Variants in LRGUK observed in about 807,000 individuals in gnomAD.
LRGUK encodes leucine rich repeats and guanylate kinase domain containing.
A neutral mutation model predicts 76.0 loss-of-function variants in LRGUK; 65 were observed. The ratio of observed to expected loss-of-function variants is 0.85; its 90% confidence interval spans 0.70 to 1.05. The LOEUF (loss-of-function observed/expected upper bound fraction) is 1.05. Among genes scored for constraint, LRGUK ranks in the 50% least tolerant of loss-of-function variants. LRGUK has a pLI of 0.00. For missense variants in LRGUK, 758 were observed against 732.8 expected, an observed-to-expected ratio of 1.03 and a Z score of -0.40; for synonymous variants, 268 against 265.6, an observed-to-expected ratio of 1.01 and a Z score of -0.09.
At chr7:134,159,141 C>T (rs543343738) in intron 6 of LRGUK, among the ~76,000 whole-genome samples, 21 of 151,386 alleles carry the variant, frequency 1.4e-4, no homozygotes, top group Non-Finnish European at 2.7e-4. Flanking sequence ...AGTTCGAGAC[C>T]AGCCTGGGCA....
At chr7:134,248,961 C>T in exon 18 of LRGUK, 2 of 1,512,870 alleles carry the variant, frequency 1.3e-6, no homozygotes, top group Non-Finnish European at 8.9e-7. Context: ...GGGTCCAGTA[C>T]CAGCACCTCT....
chr7:134,228,840 A>G (rs561920255), intron 16 of LRGUK, among the ~76,000 whole-genome samples: 17 of 152,272 alleles, frequency 1.1e-4, no homozygotes, highest in Non-Finnish European at 2.4e-4. Flanking sequence ...GATGATACTA[A>G]AAGAAGATTA....
intron 18 of LRGUK, 131 bp from the exon 19 acceptor site, chr7:134,258,126 C>A (rs779827080): frequency 1.6e-5 from 18 of 1,130,684 alleles, no homozygotes; most frequent in Non-Finnish European, 2.3e-5. Context: ...ACTAGCTCAA[C>A]ACAAGACATG....
intron 15 of LRGUK, among the ~76,000 whole-genome samples, chr7:134,218,474 T>A (rs1325595209): frequency 2.0e-5 from 3 of 152,212 alleles, no homozygotes; most frequent in Non-Finnish European, 2.9e-5. Context: ...ATTGCCTTGC[T>A]GTATAAGAAA....
At chr7:134,229,922 AAAT>A (rs1248363579) in intron 16 of LRGUK, among the ~76,000 whole-genome samples, 1 of 152,170 alleles carries the variant, frequency 6.6e-6, no homozygotes, top group Non-Finnish European at 1.5e-5. Flanking sequence ...GTGAAAAGCA[AAAT>A]AATAATAGTT....
chr7:134,233,028 C>A (rs1249221531), intron 16 of LRGUK, among the ~76,000 whole-genome samples: 1 of 152,146 alleles, frequency 6.6e-6, no homozygotes, highest in African/African-American at 2.4e-5. Context: ...GTGCACAGCT[C>A]TTTTCTTACT....
chr7:134,189,794 AAAC>A (rs1330054422), intron 11 of LRGUK, among the ~76,000 whole-genome samples: 2 of 152,250 alleles, frequency 1.3e-5, no homozygotes, highest in African/African-American at 4.8e-5. Context: ...CAATGTATTC[AAAC>A]AACAAAACAA....
chr7:134,183,952 T>C (rs1799871083), intron 11 of LRGUK, 99 bp downstream of exon 11: 1 of 1,447,954 alleles, frequency 6.9e-7, no homozygotes, highest in Non-Finnish European at 9.4e-7. Flanking sequence ...TAATGTTGGC[T>C]ATTAATTTTA....
chr7:134,179,901 C>T (rs1218391657), intron 10 of LRGUK, among the ~76,000 whole-genome samples: 3 of 152,166 alleles, frequency 2.0e-5, no homozygotes, highest in Non-Finnish European at 4.4e-5. Flanking sequence ...TCTGTCAGCA[C>T]CAGAAGTCAG....
downstream of LRGUK, among the ~76,000 whole-genome samples, chr7:134,267,221 T>C (rs1455472774): frequency 1.3e-5 from 2 of 152,176 alleles, no homozygotes; most frequent in Non-Finnish European, 2.9e-5. Flanking sequence ...AGTAAAAATA[T>C]GGACTACTAC....
intron 13 of LRGUK, among the ~76,000 whole-genome samples, chr7:134,198,907 A>G (rs1426549282): frequency 6.6e-6 from 1 of 152,218 alleles, no homozygotes; most frequent in East Asian, 1.9e-4. Flanking sequence ...ATAAAGTTGC[A>G]ATATTGCTAT....
chr7:134,275,353 A>C, the LRGUK span, among the ~76,000 whole-genome samples: 148 of 152,258 alleles, frequency 9.7e-4, no homozygotes, highest in African/African-American at 3.3e-3. Flanking sequence ...CAAATTCTTG[A>C]TCTAAAAGCC....
intron 18 of LRGUK, among the ~76,000 whole-genome samples, chr7:134,251,913 G>A (rs1454884607): frequency 6.6e-6 from 1 of 152,164 alleles, no homozygotes; most frequent in Non-Finnish European, 1.5e-5. Context: ...GACTGGAAGA[G>A]CCAGATGTTG....
intron 3 of LRGUK, among the ~76,000 whole-genome samples, chr7:134,142,561 G>T (rs190647651): frequency 6.6e-6 from 1 of 152,064 alleles, no homozygotes; most frequent in Non-Finnish European, 1.5e-5. Flanking sequence ...TAGTTAATGC[G>T]ATCTAGTGGT....
At chr7:134,242,834 A>C (rs1472781256) in intron 16 of LRGUK, among the ~76,000 whole-genome samples, 1 of 152,150 alleles carries the variant, frequency 6.6e-6, no homozygotes, top group African/African-American at 2.4e-5. Context: ...ATTCAGCAGC[A>C]CCTCATAAAG....
exon 1 of LRGUK, chr7:134,127,609 G>A (rs563421721): frequency 6.2e-7 from 1 of 1,614,180 alleles, no homozygotes; most frequent in Non-Finnish European, 8.5e-7. Flanking sequence ...GAGGACCAGG[G>A]CGAGGGCGAG....
chr7:134,247,643 A>C, exon 17 of LRGUK: 1 of 1,610,712 alleles, frequency 6.2e-7, no homozygotes, highest in South Asian at 1.1e-5. Context: ...CCTATTTCAA[A>C]GGTAGCAATT....
chr7:134,268,717 C>CTTTTTTT (rs71531815), downstream of LRGUK, among the ~76,000 whole-genome samples: 171 of 57,354 alleles, frequency 3.0e-3, 22 homozygotes, highest in African/African-American at 1.0e-2. Context: ...TGCAAAAAAT[C>CTTTTTTT]TTTTTTTTTT....
chr7:134,262,832 G>A (rs1249928817), intron 19 of LRGUK, among the ~76,000 whole-genome samples: 4 of 152,072 alleles, frequency 2.6e-5, no homozygotes, highest in East Asian at 1.9e-4. Flanking sequence ...CGCAGATGTG[G>A]TGGTGGCATA....
Sources: allele counts gnomAD v4.1 joint callset (sites outside exome capture counted in the v4.1 genomes callset), GRCh38; gene constraint gnomAD v4.1.1; transcripts MANE v1.5; gene names NCBI Gene and HGNC (gene_info 2026-07-23, HGNC 2026-07-21).